SHISA9: variants seen among roughly 807,000 people sequenced by gnomAD.
SHISA9 encodes the protein protein shisa-9.
SHISA9 carries 13 observed loss-of-function variants against 38.0 expected under a neutral mutation model. That is an observed-to-expected ratio of 0.34 (90% CI 0.22 to 0.54). The LOEUF is 0.54. SHISA9 is among the 20% of genes least tolerant of loss of function. The pLI is 0.91. For synonymous variants in SHISA9, 275 were observed against 242.0 expected, an observed-to-expected ratio of 1.14 and a Z score of -1.27; for missense variants, 538 against 575.8, an observed-to-expected ratio of 0.93 and a Z score of 0.67.
chr16:12,979,779 C>G (rs2072216352), intron 2 of SHISA9, among the ~76,000 whole-genome samples: 1 of 152,068 alleles, frequency 6.6e-6, no homozygotes, highest in Non-Finnish European at 1.5e-5. Flanking sequence ...GTCTGTTTCA[C>G]TTTTTAAATT....
intron 2 of SHISA9, among the ~76,000 whole-genome samples, chr16:13,160,407 G>A (rs2050585005): frequency 6.6e-6 from 1 of 152,120 alleles, no homozygotes; most frequent in Non-Finnish European, 1.5e-5. Flanking sequence ...TCACCCAAGA[G>A]GCACTTAAGT....
the SHISA9 span, among the ~76,000 whole-genome samples, chr16:13,323,509 A>T: frequency 0.02 from 3,051 of 152,214 alleles, 84 homozygotes; most frequent in African/African-American, 0.07. Flanking sequence ...CCTCTCCAAG[A>T]CTCGTATTGA....
chr16:13,096,974 C>T (rs1164331172), intron 2 of SHISA9, among the ~76,000 whole-genome samples: 3 of 152,132 alleles, frequency 2.0e-5, no homozygotes, highest in African/African-American at 7.2e-5. Context: ...CTCTTCAGGG[C>T]ACATCTCACT....
intron 2 of SHISA9, among the ~76,000 whole-genome samples, chr16:13,105,337 A>G (rs73520668): frequency 0.016 from 2,381 of 152,286 alleles, 59 homozygotes; most frequent in African/African-American, 0.053. Flanking sequence ...AAGCATTGCT[A>G]TTACTGTCTA....
chr16:13,538,017 A>G, the SHISA9 span, among the ~76,000 whole-genome samples: 3 of 152,318 alleles, frequency 2.0e-5, no homozygotes, highest in Admixed American at 2.0e-4. Context: ...TGTTTTAAAA[A>G]TATGTTAGAC....
At chr16:13,070,571 G>T (rs2073501863) in intron 2 of SHISA9, among the ~76,000 whole-genome samples, 1 of 152,194 alleles carries the variant, frequency 6.6e-6, no homozygotes, top group Admixed American at 6.5e-5. Context: ...TGAGGATTCA[G>T]AGTTGCAGAA....
the SHISA9 span, among the ~76,000 whole-genome samples, chr16:13,287,237 G>C: frequency 6.6e-6 from 1 of 152,190 alleles, no homozygotes; most frequent in Non-Finnish European, 1.5e-5. Flanking sequence ...ATGGAGAAGA[G>C]TGTGGATGGA....
the SHISA9 span, among the ~76,000 whole-genome samples, chr16:13,255,897 C>G: frequency 1.3e-5 from 2 of 152,202 alleles, no homozygotes; most frequent in Non-Finnish European, 2.9e-5. Context: ...TCTCAGCTCA[C>G]TCTCCATACT....
chr16:13,019,883 CCTTCTTTCTTTCTTTCT>C (rs2072817251), intron 2 of SHISA9, among the ~76,000 whole-genome samples: 1 of 12,452 alleles, frequency 8.0e-5, no homozygotes, highest in Non-Finnish European at 1.7e-4. Context: ...TCCCTCCCTC[CCTTCTTTCTTTCTTTCT>C]TTCTTTCTTT....
intron 2 of SHISA9, among the ~76,000 whole-genome samples, chr16:13,136,377 T>G (rs1304899828): frequency 1.3e-5 from 2 of 150,616 alleles, no homozygotes; most frequent in Non-Finnish European, 2.9e-5. Flanking sequence ...TTTCGTTGTG[T>G]GAAATATACA....
chr16:13,143,076 G>A (rs2050416284), intron 2 of SHISA9, among the ~76,000 whole-genome samples: 2 of 151,156 alleles, frequency 1.3e-5, no homozygotes, highest in African/African-American at 2.4e-5. Flanking sequence ...GTGTGATCTC[G>A]ACTCACTGCA....
At chr16:13,225,940 C>A (rs2051274981) in intron 4 of SHISA9, among the ~76,000 whole-genome samples, 1 of 152,110 alleles carries the variant, frequency 6.6e-6, no homozygotes, top group African/African-American at 2.4e-5. Flanking sequence ...GAAGAAAAGT[C>A]AAATAGGAGA....
the SHISA9 span, among the ~76,000 whole-genome samples, chr16:13,498,728 G>T: frequency 3.3e-5 from 5 of 152,154 alleles, no homozygotes; most frequent in Admixed American, 3.3e-4. Flanking sequence ...TTGCACTCCA[G>T]CCTGGGTGAC....
At chr16:13,081,809 G>A (rs1026208331) in intron 2 of SHISA9, among the ~76,000 whole-genome samples, 2 of 148,382 alleles carry the variant, frequency 1.3e-5, no homozygotes, top group African/African-American at 5.0e-5. Context: ...GCAAGATTGC[G>A]CCACTGCACT....
At chr16:12,921,249 A>T (rs1422664221) in intron 2 of SHISA9, among the ~76,000 whole-genome samples, 2 of 152,248 alleles carry the variant, frequency 1.3e-5, no homozygotes, top group African/African-American at 4.8e-5. Flanking sequence ...GTTTTAGAAC[A>T]TAAAATCCAT....
chr16:12,905,622 C>T (rs1282126025), intron 1 of SHISA9, among the ~76,000 whole-genome samples: 3 of 150,136 alleles, frequency 2.0e-5, no homozygotes, highest in Admixed American at 6.7e-5. Flanking sequence ...GGCAGAGTCT[C>T]GCTCTGTCAC....
the SHISA9 span, among the ~76,000 whole-genome samples, chr16:13,468,144 G>T: frequency 6.6e-6 from 1 of 152,166 alleles, no homozygotes; most frequent in African/African-American, 2.4e-5. Flanking sequence ...TCAATCTGCA[G>T]CAAGATCTCA....
intron 2 of SHISA9, among the ~76,000 whole-genome samples, chr16:13,032,512 A>G (rs549223754): frequency 6.6e-6 from 1 of 152,212 alleles, no homozygotes; most frequent in Non-Finnish European, 1.5e-5. Context: ...GTGTGCCCCT[A>G]ACCTCATTTC....
chr16:13,484,743 C>T, the SHISA9 span, among the ~76,000 whole-genome samples: 14 of 152,154 alleles, frequency 9.2e-5, no homozygotes. Flanking sequence ...AGGAAGGAGA[C>T]AGCTCTTACA....
Sources: gnomAD v4.1 joint callset for allele counts (sites outside exome capture counted in the v4.1 genomes callset) on GRCh38, gnomAD v4.1.1 for gene constraint, MANE v1.5 for transcripts, NCBI Gene and HGNC (gene_info 2026-07-23, HGNC 2026-07-21) for gene names.